DENND2B: variants seen among roughly 807,000 people sequenced by gnomAD.
DENND2B encodes DENN domain-containing protein 2B.
DENND2B carries 32 observed loss-of-function variants against 116.0 expected under a neutral mutation model. The ratio of observed to expected loss-of-function variants is 0.28; its 90% confidence interval spans 0.21 to 0.37. The LOEUF is 0.37. DENND2B is among the 10% of genes least tolerant of loss of function. DENND2B has a pLI of 1.00. For synonymous variants in DENND2B, 588 were observed against 583.9 expected, an observed-to-expected ratio of 1.01 and a Z score of -0.10; for missense variants, 1,276 against 1,477.7, an observed-to-expected ratio of 0.86 and a Z score of 2.24.
chr11:8,710,794 C>CACACACACACACACACACA lies in DENND2B; in HGVS notation c.2352+50_2352+51insTGTGTGTGTGTGTGTGTGT, dbSNP rs1555112622. On this transcript the variant is annotated intron_variant, in intron 11 of 19. Transcript: ENST00000313726. ...ACACACACACACACACACACACACACCCTGGCCTATCCCCTGCCTGCTGGC... is the reference window on the plus strand; with the variant it reads ...ACACACACACACACACACACACACACACACACACACACACACACACCTGGCCTATCCCCTGCCTGCTGGC... 2.2e-6 allele frequency: 3 copies of CACACACACACACACACACA among 1,391,134 alleles called. No homozygotes were observed. In the African/African-American group the frequency reaches 4.3e-5, roughly 20 times the overall value. The allele number at this position is 1,391,134 out of a possible 1,614,324, so 86.2% of individuals were successfully genotyped here. A position where few individuals can be genotyped will look rare whatever the true frequency, so the allele number is the denominator to read the frequency against.
intron 2 of DENND2B, among the ~76,000 whole-genome samples, chr11:8,878,465 C>G (rs751502105): frequency 1.5e-4 from 23 of 151,900 alleles, no homozygotes; most frequent in Non-Finnish European, 2.2e-4. Flanking sequence ...TCTCAGCTCA[C>G]TGCAACCTCC....
chr11:8,900,715 C>T (rs1232013340), intron 1 of DENND2B, among the ~76,000 whole-genome samples: 1 of 151,604 alleles, frequency 6.6e-6, no homozygotes, highest in African/African-American at 2.4e-5. Flanking sequence ...GCCTGTAATC[C>T]CAGCACTTTG....
At chr11:8,863,710 T>C (rs2134686158) in intron 2 of DENND2B, among the ~76,000 whole-genome samples, 1 of 152,316 alleles carries the variant, frequency 6.6e-6, no homozygotes, top group Middle Eastern at 3.4e-3. Context: ...TTAAGTGCCA[T>C]TTTTCCATGT....
chr11:8,707,534 C>T lies in DENND2B; in HGVS notation c.2430+243G>A, dbSNP rs1269428211. Reference sequence around the variant, plus strand: ...AAGGACTCTGGCTCTGCCTAGGGCCCAGGGTGGGCTGTGACAGGGGCAGAC... The same window carrying T: ...AAGGACTCTGGCTCTGCCTAGGGCCTAGGGTGGGCTGTGACAGGGGCAGAC... On this transcript the variant is annotated intron_variant, in intron 12 of 19. Coordinates refer to ENST00000313726, the MANE Select transcript of DENND2B (RefSeq NM_213618.2). This position sits in a 1 kb window ranked among gnomAD's most constrained non-coding sequence, Gnocchi z 4.8. Among the ~76,000 whole-genome samples, 2 of 152,242 alleles carry T rather than the reference C, an allele frequency of 1.3e-5. No individual in the cohort carries two copies. The highest frequency in any genetic ancestry group is 2.9e-5 in the Non-Finnish European group (2 of 68,042).
chr11:8,873,519 T>C (rs2063813631), upstream of DENND2B, among the ~76,000 whole-genome samples: 1 of 152,244 alleles, frequency 6.6e-6, no homozygotes, highest in African/African-American at 2.4e-5. Flanking sequence ...TATTAGTTCA[T>C]CTTAATACTG....
At chr11:8,863,480 G>A (rs1033717960) in intron 2 of DENND2B, among the ~76,000 whole-genome samples, 4 of 151,842 alleles carry the variant, frequency 2.6e-5, no homozygotes, top group Admixed American at 6.6e-5. Context: ...AGATCCGCTC[G>A]CCTCGGCCTC....
chr11:8,762,810 A>C (rs1427817859), intron 1 of DENND2B, among the ~76,000 whole-genome samples: 1 of 152,238 alleles, frequency 6.6e-6, no homozygotes, highest in Non-Finnish European at 1.5e-5. Flanking sequence ...CGGTGAGCCA[A>C]GATCGCGCCA....
chr11:8,778,447 A>C (rs1301397479), intron 1 of DENND2B, among the ~76,000 whole-genome samples: 1 of 152,132 alleles, frequency 6.6e-6, no homozygotes, highest in Non-Finnish European at 1.5e-5. Flanking sequence ...GACAGCTCAA[A>C]TATTCAGTCT....
intron 2 of DENND2B, among the ~76,000 whole-genome samples, chr11:8,733,704 C>T (rs1038424496): frequency 6.6e-6 from 1 of 152,196 alleles, no homozygotes; most frequent in East Asian, 1.9e-4. Context: ...TGGGGCATGG[C>T]TCCTTGGGAT....
chr11:8,805,044 A>T (rs1272384530), intron 1 of DENND2B, among the ~76,000 whole-genome samples: 1 of 152,210 alleles, frequency 6.6e-6, no homozygotes, highest in African/African-American at 2.4e-5. Context: ...AACTCTATCA[A>T]GTCAAGTACT....
At chr11:8,776,864 T>TG (rs1310867359) in intron 1 of DENND2B, among the ~76,000 whole-genome samples, 7 of 152,090 alleles carry the variant, frequency 4.6e-5, no homozygotes, top group African/African-American at 7.2e-5. Context: ...AGAGAGAGAA[T>TG]GATCTCCTTA....
chr11:8,846,463 T>G (rs2062817643), intron 3 of DENND2B, among the ~76,000 whole-genome samples: 1 of 151,990 alleles, frequency 6.6e-6, no homozygotes, highest in South Asian at 2.1e-4. Flanking sequence ...GGGCAGACAC[T>G]CCAAGAGAAG....
intron 1 of DENND2B, among the ~76,000 whole-genome samples, chr11:8,788,981 T>TAG (rs1460284225): frequency 6.6e-6 from 1 of 152,206 alleles, no homozygotes; most frequent in African/African-American, 2.4e-5. Flanking sequence ...ACAGCTCCTT[T>TAG]CTCTTTCCAC....
At chr11:8,766,681 T>C (rs1360277030) in intron 1 of DENND2B, 24 of 1,288,932 alleles carry the variant, frequency 1.9e-5, no homozygotes, top group Non-Finnish European at 2.1e-5. Flanking sequence ...GCGCCCCACC[T>C]CCATTCTTCC....
intron 1 of DENND2B, among the ~76,000 whole-genome samples, chr11:8,889,412 A>C (rs1402081575): frequency 2.0e-5 from 3 of 152,234 alleles, no homozygotes; most frequent in African/African-American, 7.2e-5. Flanking sequence ...CAGTGGGTGC[A>C]GCCCAATGAA....
At chr11:8,747,697 G>A (rs1008686102) in intron 2 of DENND2B, among the ~76,000 whole-genome samples, 1 of 152,056 alleles carries the variant, frequency 6.6e-6, no homozygotes, top group Non-Finnish European at 1.5e-5. Context: ...ATGCTCATTC[G>A]GCCTCATCAA....
intron 2 of DENND2B, among the ~76,000 whole-genome samples, chr11:8,880,804 T>C (rs1220809316): frequency 6.6e-6 from 1 of 152,216 alleles, no homozygotes; most frequent in East Asian, 1.9e-4. Context: ...ATCCTCTTCT[T>C]GTTCCCCACA....
At chr11:8,696,217 A>C (rs2040331448) in intron 18 of DENND2B, among the ~76,000 whole-genome samples, 1 of 152,196 alleles carries the variant, frequency 6.6e-6, no homozygotes, top group African/African-American at 2.4e-5. Flanking sequence ...TCCTACCTCT[A>C]GCCATGTGGC....
At chr11:8,756,941 T>C in intron 1 of DENND2B, 1 of 428,228 alleles carries the variant, frequency 2.3e-6, no homozygotes, top group South Asian at 1.7e-5. Flanking sequence ...AATTGTTCAA[T>C]TAGCATATAC....
Sources: allele counts gnomAD v4.1 joint callset (sites outside exome capture counted in the v4.1 genomes callset), GRCh38; gene constraint gnomAD v4.1.1; non-coding constraint Gnocchi (gnomAD v3.1); transcripts MANE v1.5; gene names NCBI Gene and HGNC (gene_info 2026-07-23, HGNC 2026-07-21).